The following SLC4A4 variants were observed in gnomAD, a reference collection of about 807,000 sequenced individuals.
SLC4A4 encodes the protein solute carrier family 4 member 4.
A neutral mutation model predicts 111.5 loss-of-function variants in SLC4A4; 27 were observed. That is an observed-to-expected ratio of 0.24 (90% CI 0.18 to 0.33). The LOEUF is 0.33. SLC4A4 is among the 10% of genes least tolerant of loss of function. The pLI is 1.00. For missense variants in SLC4A4, 909 were observed against 1,315.5 expected (o/e 0.69, Z 4.78); for synonymous variants, 443 against 463.4 (o/e 0.96, Z 0.57).
intron 3 of SLC4A4, among the ~76,000 whole-genome samples, chr4:71,288,407 A>ATTT (rs112503573): frequency 0.026 from 3,794 of 145,942 alleles, 181 homozygotes; most frequent in African/African-American, 0.089. Flanking sequence ...AGGGTAGGGG[A>ATTT]TTTTTTTTTT....
intron 1 of SLC4A4, among the ~76,000 whole-genome samples, chr4:71,069,453 A>T (rs1050763012): frequency 2.0e-5 from 3 of 152,238 alleles, no homozygotes; most frequent in African/African-American, 7.2e-5. Flanking sequence ...TATTTCCTTG[A>T]TAACACTCTT....
At chr4:71,473,001 G>A (rs749707013) in intron 14 of SLC4A4, 31 bp downstream of exon 14, 17 of 1,612,146 alleles carry the variant, frequency 1.1e-5, no homozygotes, top group East Asian at 2.2e-5. Flanking sequence ...GTTTATGCTC[G>A]CTTTGTATTT....
At chr4:71,195,144 A>T (rs1415860150) in intron 1 of SLC4A4, among the ~76,000 whole-genome samples, 1 of 151,986 alleles carries the variant, frequency 6.6e-6, no homozygotes, top group Admixed American at 6.5e-5. Context: ...GGCTTGCAGC[A>T]GAAGAAACTT....
At chr4:71,477,643 G>A (rs749847214) in intron 14 of SLC4A4, among the ~76,000 whole-genome samples, 3 of 151,770 alleles carry the variant, frequency 2.0e-5, no homozygotes, top group Non-Finnish European at 1.5e-5. Context: ...GTCTAGGGGC[G>A]AGGTGTTCAA....
In SLC4A4 at chr4:71,440,721, C is replaced by T. The variant is rs1284717350; in HGVS notation, c.913C>T (p.Leu305=). 3 of 1,614,144 alleles carry T rather than the reference C, an allele frequency of 1.9e-6. No homozygotes were observed. The highest frequency in any genetic ancestry group is 3.3e-4 in the Middle Eastern group (2 of 6,060). ...TACTCCTTTCATTGCCTTTGTTAGG[C>T]TACAGCAGGCTGTCATGCTGGGTGC... ...LDTPFIAFVR[L]QQAVMLGALT... is the part of the protein sequence containing the mutation. The change falls in exon 8 of 26, where the codon CTA becomes TTA. Residue 305 remains leucine, a synonymous_variant. Coordinates refer to ENST00000264485, the MANE Select transcript of SLC4A4 (RefSeq NM_001098484.3).
chr4:71,395,673 G>T (rs538294596), intron 6 of SLC4A4, among the ~76,000 whole-genome samples: 1 of 152,170 alleles, frequency 6.6e-6, no homozygotes, highest in South Asian at 2.1e-4. Context: ...GACAGTGCTT[G>T]GGCTGAAATG....
chr4:71,101,786 A>G (rs1250898409), intron 2 of SLC4A4, among the ~76,000 whole-genome samples: 1 of 152,042 alleles, frequency 6.6e-6, no homozygotes, highest in Non-Finnish European at 1.5e-5. Context: ...ACCATCATCA[A>G]AGACCAAAAG....
At chr4:71,435,505 A>T (rs1020126894) in intron 7 of SLC4A4, among the ~76,000 whole-genome samples, 18 of 152,226 alleles carry the variant, frequency 1.2e-4, no homozygotes, top group Middle Eastern at 3.2e-3. Flanking sequence ...ATAGGCAAAG[A>T]CTTCATGACT....
chr4:71,378,727 C>A (rs537157196), intron 6 of SLC4A4, among the ~76,000 whole-genome samples: 17 of 152,260 alleles, frequency 1.1e-4, no homozygotes, highest in Admixed American at 5.9e-4. Context: ...AGCAAACTGT[C>A]GAATTTTACT....
chr4:71,454,167 A>G (rs1417251535), intron 12 of SLC4A4, among the ~76,000 whole-genome samples: 1 of 152,156 alleles, frequency 6.6e-6, no homozygotes, highest in African/African-American at 2.4e-5. Flanking sequence ...GCTAACAGTT[A>G]TATCTCCTGC....
intron 3 of SLC4A4, among the ~76,000 whole-genome samples, chr4:71,293,729 G>A (rs1724564731): frequency 6.6e-6 from 1 of 152,158 alleles, no homozygotes; most frequent in South Asian, 2.1e-4. Flanking sequence ...ATTCAGTAGT[G>A]GGGCTTCAGG....
At chr4:71,521,693 A>G (rs775662125) in intron 16 of SLC4A4, among the ~76,000 whole-genome samples, 22 of 152,184 alleles carry the variant, frequency 1.4e-4, no homozygotes, top group Non-Finnish European at 2.8e-4. Context: ...TGTCCCAGAC[A>G]GTGAGACTGG....
At chr4:71,089,413 T>C (rs1247680582) in intron 1 of SLC4A4, among the ~76,000 whole-genome samples, 3 of 152,132 alleles carry the variant, frequency 2.0e-5, no homozygotes, top group African/African-American at 4.8e-5. Flanking sequence ...AGTCATTCTC[T>C]GTCCAGCTTT....
intron 6 of SLC4A4, among the ~76,000 whole-genome samples, chr4:71,383,285 G>A (rs1392289295): frequency 6.6e-6 from 1 of 152,098 alleles, no homozygotes; most frequent in Non-Finnish European, 1.5e-5. Context: ...AGTAAGCGAG[G>A]TACTTACTGC....
chr4:71,236,123 G>A (rs1719784286), intron 1 of SLC4A4: 1 of 1,035,376 alleles, frequency 9.7e-7, no homozygotes, highest in Non-Finnish European at 1.2e-6. Flanking sequence ...GTGTGTGTGT[G>A]TGAGGGTATA....
At chr4:71,137,672 G>T (rs1743881918) in intron 2 of SLC4A4, among the ~76,000 whole-genome samples, 1 of 152,172 alleles carries the variant, frequency 6.6e-6, no homozygotes, top group South Asian at 2.1e-4. Context: ...TCAAGTGGTT[G>T]CTGCCTGTCC....
At chr4:71,160,214 T>TG in intron 2 of SLC4A4, among the ~76,000 whole-genome samples, 1 of 152,198 alleles carries the variant, frequency 6.6e-6, no homozygotes, top group African/African-American at 2.4e-5. Context: ...ATTCTATAGT[T>TG]ACTAATCTTA....
chr4:71,236,199 G>A (rs1396647733), intron 1 of SLC4A4: 2 of 1,062,774 alleles, frequency 1.9e-6, no homozygotes, highest in South Asian at 3.1e-5. Flanking sequence ...CGATCATCAC[G>A]AGCACTCCAG....
chr4:71,121,960 C>T (rs1743442365), intron 2 of SLC4A4, among the ~76,000 whole-genome samples: 1 of 152,058 alleles, frequency 6.6e-6, no homozygotes, highest in South Asian at 2.1e-4. Context: ...GAGGAATGAA[C>T]AACTCCAGAC....
Sources: allele counts gnomAD v4.1 joint callset (sites outside exome capture counted in the v4.1 genomes callset), GRCh38; gene constraint gnomAD v4.1.1; transcripts MANE v1.5; gene names NCBI Gene and HGNC (gene_info 2026-07-23, HGNC 2026-07-21).